MICAL3: variants seen among roughly 807,000 people sequenced by gnomAD.
MICAL3 encodes the protein [F-actin]-monooxygenase MICAL3.
In MICAL3, 62 loss-of-function variants were observed where a neutral mutation model predicts 207.4. That is an observed-to-expected ratio of 0.30 (90% CI 0.24 to 0.37). The LOEUF is 0.37. Ranked by LOEUF, MICAL3 falls within the 10% of genes least tolerant of loss-of-function variation. The pLI, the probability that MICAL3 is intolerant of heterozygous loss-of-function variation, is 1.00. For synonymous variants in MICAL3, 1,077 were observed against 1,069.3 expected (o/e 1.01, Z -0.14); for missense variants, 2,368 against 2,635.6 (o/e 0.90, Z 2.22).
At chr22:18,017,752 AT>A (rs532674200) in intron 1 of MICAL3, among the ~76,000 whole-genome samples, 25,529 of 131,462 alleles carry the variant, frequency 0.19, 2,721 homozygotes, top group East Asian at 0.37. Context: ...CACCCGGCTA[AT>A]TTTTTTTTTT....
intron 1 of MICAL3, among the ~76,000 whole-genome samples, chr22:17,970,680 G>C (rs1334384608): frequency 6.6e-6 from 1 of 152,190 alleles, no homozygotes; most frequent in Non-Finnish European, 1.5e-5. Context: ...CACAGTAGGT[G>C]CCTTAAACAG....
chr22:17,893,330 A>G (rs1930532363), intron 11 of MICAL3, among the ~76,000 whole-genome samples: 2 of 152,138 alleles, frequency 1.3e-5, no homozygotes, highest in South Asian at 4.2e-4. Context: ...ATTCTCTTTC[A>G]AAAAAGTATT....
rs5992854 is a variant in MICAL3, at chr22:17,817,474, T to C, written c.5187A>G (p.Leu1729=). 639,476 of 1,613,320 alleles carry C rather than the reference T, an allele frequency of 0.4. 132,031 individuals are homozygous for C. Among genetic ancestry groups the C allele is most frequent in the African/African-American group, 0.65 (48,765 of 74,898 alleles). ...RPPEKPSSNL[L]EEAAAKPKSL... The stretch of plus-strand genomic sequence containing the variant: ...ACTTGGGTTTGGCGGCGGCTTCTTC[T>C]AGGAGGTTGGAGCTGGGCTTCTCCG... Residue 1729 remains leucine (L), a synonymous_variant, in exon 26 of 32, where the codon CTA becomes CTG. Coordinates refer to ENST00000441493, the MANE Select transcript of MICAL3 (RefSeq NM_015241.3).
chr22:17,865,113 ATTTAT>A (rs1926946697), intron 18 of MICAL3, 127 bp from the exon 19 acceptor site: 1 of 730,176 alleles, frequency 1.4e-6, no homozygotes, highest in Non-Finnish European at 1.8e-6. Flanking sequence ...TTATTTATTT[ATTTAT>A]TTATTTATTT....
At chr22:17,985,301 G>C (rs396717) in intron 1 of MICAL3, among the ~76,000 whole-genome samples, 75,700 of 151,302 alleles carry the variant, frequency 0.5, 18,920 homozygotes, top group Middle Eastern at 0.65. Context: ...TCCCTGGTGG[G>C]CCGTGCTGCT....
At position 17,866,031 on chromosome 22, in the gene MICAL3, A is replaced by C; in HGVS notation, c.2429-19T>G. The C allele has an allele frequency of 2.5e-6, 4 of 1,587,340 alleles. No homozygotes were observed. The highest frequency in any genetic ancestry group is 3.5e-6 in the Non-Finnish European group (4 of 1,155,738). ...AATTTACCTGCAGACAGCAAGAGGC[A>C]GGGACAGAGGCGATGAGCCAGGCAC... On this transcript the variant is annotated intron_variant, in intron 17 of 31. Coordinates refer to ENST00000441493, the MANE Select transcript of MICAL3 (RefSeq NM_015241.3).
intron 19 of MICAL3, chr22:17,860,022 G>T: frequency 5.0e-6 from 1 of 201,410 alleles, no homozygotes; most frequent in Non-Finnish European, 8.8e-6. Context: ...TTGCACCTCT[G>T]CTGTCTTGCT....
chr22:17,889,069 A>C lies in MICAL3; in HGVS notation c.1856T>G (p.Phe619Cys), dbSNP rs559548143. The change falls in exon 13 of 32, where the codon TTC (phenylalanine) becomes TGC (cysteine). Residue 619 changes from phenylalanine to cysteine, a missense_variant. By Grantham distance (205) the Phe-to-Cys change is radical (BLOSUM62 -2). Coordinates refer to ENST00000441493, the MANE Select transcript of MICAL3 (RefSeq NM_015241.3). ...KLSMVMYLTQ[F>C]YEMFKDSLPS... ...GAGGGAGTCCTTAAACATCTCGTAG[A>C]ACTGAGTCAGGTACATCACCATGGA... 3.1e-6 allele frequency: 5 copies of C among 1,612,346 alleles called. No homozygotes were observed. The African/African-American group carries it at 6.7e-5, about 22-fold the overall frequency.
At chr22:17,847,614 G>GCCGACCGTGACCACCTTC (rs1924772185) in intron 19 of MICAL3, among the ~76,000 whole-genome samples, 4 of 152,054 alleles carry the variant, frequency 2.6e-5, no homozygotes, top group South Asian at 2.1e-4. Context: ...GATAAAAGGG[G>GCCGACCGTGACCACCTTC]CCGACCGTGA....
intron 1 of MICAL3, among the ~76,000 whole-genome samples, chr22:17,910,611 G>C (rs1313657888): frequency 6.6e-6 from 1 of 152,132 alleles, no homozygotes; most frequent in Non-Finnish European, 1.5e-5. Flanking sequence ...AAGGTAAGAC[G>C]ACACAAGATG....
At chr22:17,938,942 T>C (rs1933682700) in intron 1 of MICAL3, among the ~76,000 whole-genome samples, 1 of 152,150 alleles carries the variant, frequency 6.6e-6, no homozygotes, top group Non-Finnish European at 1.5e-5. Flanking sequence ...AAAGGGGTGT[T>C]GTGGTTGGAA....
chr22:17,954,069 G>A (rs145180562), intron 1 of MICAL3, among the ~76,000 whole-genome samples: 26 of 151,894 alleles, frequency 1.7e-4, no homozygotes, highest in African/African-American at 5.1e-4. Context: ...AGGTGAGAGA[G>A]ATGTAATACG....
chr22:17,874,875 C>T (rs1928119602), intron 16 of MICAL3, among the ~76,000 whole-genome samples: 1 of 152,112 alleles, frequency 6.6e-6, no homozygotes. Flanking sequence ...CATATGCTAC[C>T]ATGCACATAG....
At chr22:17,848,137 C>G in intron 19 of MICAL3, among the ~76,000 whole-genome samples, 1 of 152,230 alleles carries the variant, frequency 6.6e-6, no homozygotes, top group Non-Finnish European at 1.5e-5. Context: ...CAGCATGAGC[C>G]TAAGTTTCCA....
intron 1 of MICAL3, among the ~76,000 whole-genome samples, chr22:17,996,573 C>T (rs1460843503): frequency 6.6e-6 from 1 of 152,244 alleles, no homozygotes; most frequent in East Asian, 1.9e-4. Context: ...CAGCAAGTCA[C>T]GTACAACTGA....
At chr22:17,808,797 G>T in intron 29 of MICAL3, 47 bp downstream of exon 29, 1 of 1,493,986 alleles carries the variant, frequency 6.7e-7, no homozygotes, top group South Asian at 1.2e-5. Flanking sequence ...ACGGCGGGAG[G>T]GAGGGCTTCC....
At chr22:17,912,045 T>G (rs1025062208) in intron 1 of MICAL3, among the ~76,000 whole-genome samples, 10 of 152,046 alleles carry the variant, frequency 6.6e-5, no homozygotes, top group Non-Finnish European at 1.2e-4. Context: ...GTGAGGTGCA[T>G]GAGGCTGAAG....
intron 1 of MICAL3, among the ~76,000 whole-genome samples, chr22:17,948,651 C>T (rs914014661): frequency 2.6e-5 from 4 of 152,146 alleles, no homozygotes; most frequent in African/African-American, 9.7e-5. Flanking sequence ...ACCTGCAGTC[C>T]TAGTACTTTG....
chr22:17,808,416 G>A (rs930983783), intron 29 of MICAL3, among the ~76,000 whole-genome samples: 6 of 151,852 alleles, frequency 4.0e-5, no homozygotes, highest in Non-Finnish European at 8.8e-5. Flanking sequence ...CTGTGGGCAG[G>A]AGGGTCCCAG....
Sources: allele counts gnomAD v4.1 joint callset (sites outside exome capture counted in the v4.1 genomes callset), GRCh38; gene constraint gnomAD v4.1.1; transcripts MANE v1.5; gene names NCBI Gene and HGNC (gene_info 2026-07-23, HGNC 2026-07-21).